Variants in COL18A1 observed in about 807,000 individuals in gnomAD.
COL18A1 encodes collagen alpha-1(XVIII) chain.
A neutral mutation model predicts 168.0 loss-of-function variants in COL18A1; 133 were observed. The observed-to-expected ratio is 0.79, with a 90% CI of 0.69 to 0.91. COL18A1 has a LOEUF of 0.91. COL18A1 is among the 40% of genes least tolerant of loss of function. The probability of loss-of-function intolerance (pLI) is 0.00; values close to 1 mark genes in which losing one functional copy is unlikely to be tolerated. For missense variants in COL18A1, 2,126 were observed against 1,925.4 expected (o/e 1.10, Z -1.95); for synonymous variants, 949 against 809.0 (o/e 1.17, Z -2.94).
chr21:45,475,048 C>T (rs1476448352), intron 4 of COL18A1, among the ~76,000 whole-genome samples: 1 of 152,196 alleles, frequency 6.6e-6, no homozygotes. Flanking sequence ...GTTTCTCCTC[C>T]GGGTTTTCCT....
At chr21:45,438,390 A>T (rs2034276621) in intron 2 of COL18A1, among the ~76,000 whole-genome samples, 1 of 151,542 alleles carries the variant, frequency 6.6e-6, no homozygotes, top group African/African-American at 2.4e-5. Flanking sequence ...ACACTCACAC[A>T]CTCAGACCCT....
In COL18A1 at chr21:45,498,383, C is replaced by T; in HGVS notation, c.2683+722C>T. On this transcript the variant is annotated intron_variant, in intron 32 of 41. Coordinates refer to ENST00000651438, the MANE Select transcript of COL18A1 (RefSeq NM_001379500.1). This position sits in a 1 kb window ranked among gnomAD's most constrained non-coding sequence, Gnocchi z 4.5. ...CTCTCGCCACCACGGTCCCCTCTCGCCGCCAGGGTCCCCTCTCGCCGCCAG... is the reference window on the plus strand; with the variant it reads ...CTCTCGCCACCACGGTCCCCTCTCGTCGCCAGGGTCCCCTCTCGCCGCCAG... 1.5e-6 allele frequency: 1 copy of T among 659,236 alleles called. No individual in the cohort carries two copies. The highest frequency in any genetic ancestry group is 1.6e-5 in the South Asian group (1 of 61,070). 40.8% of individuals were successfully genotyped at this position (659,236 alleles called of 1,614,324 possible).
At chr21:45,460,927 G>A (rs2145869875) in intron 2 of COL18A1, among the ~76,000 whole-genome samples, 1 of 152,278 alleles carries the variant, frequency 6.6e-6, no homozygotes, top group East Asian at 1.9e-4. Context: ...TCTGAACTAA[G>A]CACAGACAGA....
intron 14 of COL18A1, among the ~76,000 whole-genome samples, chr21:45,482,520 C>T (rs1266080467): frequency 6.6e-6 from 1 of 152,162 alleles, no homozygotes; most frequent in African/African-American, 2.4e-5. Context: ...AGCTGAAGGG[C>T]CCTTCTTGGG....
At chr21:45,405,282 A>ATACGGC (rs1569270061) in intron 1 of COL18A1, 41 bp downstream of exon 1, 1 of 113,820 alleles carries the variant, frequency 8.8e-6, no homozygotes, top group African/African-American at 3.7e-4. Flanking sequence ...GGACGCCAAG[A>ATACGGC]TGCGGCTGCG....
intron 2 of COL18A1, among the ~76,000 whole-genome samples, chr21:45,438,548 C>G (rs1308900420): frequency 6.6e-6 from 1 of 152,262 alleles, no homozygotes; most frequent in Non-Finnish European, 1.5e-5. Context: ...ACGGCCTGCC[C>G]TTCTCAGGGC....
chr21:45,411,615 C>T (rs1006214571), intron 2 of COL18A1, among the ~76,000 whole-genome samples: 13 of 152,128 alleles, frequency 8.5e-5, no homozygotes, highest in African/African-American at 3.1e-4. Flanking sequence ...GTGCCCTTAT[C>T]GCTGACACAG....
chr21:45,487,323 G>A (rs570959847), intron 16 of COL18A1, 124 bp from the exon 17 acceptor site: 35 of 1,151,060 alleles, frequency 3.0e-5, no homozygotes, highest in African/African-American at 2.7e-4. Context: ...TGAGAACGGC[G>A]GCTCCCCAGG....
chr21:45,465,513 C>T (rs961364178), intron 2 of COL18A1, among the ~76,000 whole-genome samples: 7 of 152,166 alleles, frequency 4.6e-5, no homozygotes, highest in African/African-American at 7.2e-5. Flanking sequence ...ATGATGGTGG[C>T]GCACTCTTCA....
intron 2 of COL18A1, among the ~76,000 whole-genome samples, chr21:45,434,849 G>A (rs1023544736): frequency 6.6e-6 from 1 of 152,206 alleles, no homozygotes; most frequent in Non-Finnish European, 1.5e-5. Context: ...GGCTGTGCTG[G>A]GGTCTCTCTG....
chr21:45,410,733 C>T lies in COL18A1; in HGVS notation c.106+5260C>T, dbSNP rs534805452. ...GACTCCTCTGTCTGCAGAGAACCTG[C>T]CAGCACAGCTGCTCCTGGGGGCAGG... On this transcript the variant is annotated intron_variant, in intron 2 of 41. Coordinates refer to ENST00000651438, the MANE Select transcript of COL18A1 (RefSeq NM_001379500.1). Among the ~76,000 whole-genome samples, 4 of 152,356 alleles carry T rather than the reference C, an allele frequency of 2.6e-5. No homozygotes were observed. In the East Asian group the frequency reaches 7.7e-4, roughly 29 times the overall value.
chr21:45,411,766 T>TGGGGGGGGGGGGGGGGGGGG (rs56879596), intron 2 of COL18A1, among the ~76,000 whole-genome samples: 1 of 39,210 alleles, frequency 2.6e-5, no homozygotes, highest in Non-Finnish European at 6.5e-5. Flanking sequence ...TGGCGGGGGG[T>TGGGGGGGGGGGGGGGGGGGG]GGGGGGGGGG....
At chr21:45,405,905 C>G (rs2033089798) in intron 2 of COL18A1, among the ~76,000 whole-genome samples, 1 of 151,922 alleles carries the variant, frequency 6.6e-6, no homozygotes. Flanking sequence ...GCGTTTCCAA[C>G]CTGTTGAGGC....
intron 19 of COL18A1, among the ~76,000 whole-genome samples, chr21:45,489,751 C>T (rs1319487100): frequency 1.3e-5 from 2 of 151,748 alleles, no homozygotes; most frequent in Non-Finnish European, 2.9e-5. Flanking sequence ...ACATGGCCTT[C>T]CTCCCTCCCG....
chr21:45,449,216 C>T (rs951618701), intron 2 of COL18A1, among the ~76,000 whole-genome samples: 1 of 152,328 alleles, frequency 6.6e-6, no homozygotes, highest in Middle Eastern at 3.4e-3. Context: ...GGAGGTTGCA[C>T]CAAGCCCGAG....
intron 2 of COL18A1, among the ~76,000 whole-genome samples, chr21:45,426,250 GC>G (rs1463193088): frequency 1.3e-5 from 2 of 152,198 alleles, no homozygotes; most frequent in African/African-American, 4.8e-5. Flanking sequence ...AATTACAGGC[GC>G]CCGCCACCAC....
At chr21:45,435,056 G>C (rs1015795836) in intron 2 of COL18A1, among the ~76,000 whole-genome samples, 3 of 152,066 alleles carry the variant, frequency 2.0e-5, no homozygotes, top group African/African-American at 7.2e-5. Context: ...AAGGGCTGAA[G>C]GAAAGCCACT....
chr21:45,484,554 C>T (rs1296865767), intron 15 of COL18A1, among the ~76,000 whole-genome samples: 2 of 152,236 alleles, frequency 1.3e-5, no homozygotes, highest in African/African-American at 4.8e-5. Flanking sequence ...GTGCACACAG[C>T]TCTCATGTAT....
intron 5 of COL18A1, 38 bp from the exon 6 acceptor site, chr21:45,476,313 C>T (rs200308602): frequency 3.4e-5 from 55 of 1,613,020 alleles, no homozygotes; most frequent in African/African-American, 4.0e-5. Context: ...GGGCATCTGC[C>T]GGCCGAATAA....
Sources: allele counts gnomAD v4.1 joint callset (sites outside exome capture counted in the v4.1 genomes callset), GRCh38; gene constraint gnomAD v4.1.1; non-coding constraint Gnocchi (gnomAD v3.1); transcripts MANE v1.5; gene names NCBI Gene and HGNC (gene_info 2026-07-23, HGNC 2026-07-21).